Variants in MYO3B observed in about 807,000 individuals in gnomAD.
MYO3B encodes the protein myosin IIIB.
Under a neutral mutation model 174.6 loss-of-function variants are expected in MYO3B, and 156 were observed. The observed-to-expected ratio is 0.89, with a 90% CI of 0.78 to 1.02. The LOEUF is 1.02. Ranked by LOEUF, MYO3B falls within the 50% of genes least tolerant of loss-of-function variation. The pLI, the probability that MYO3B is intolerant of heterozygous loss-of-function variation, is 0.00. For missense variants in MYO3B, 1,632 were observed against 1,639.4 expected, an observed-to-expected ratio of 1.00 and a Z score of 0.08; for synonymous variants, 563 against 569.1, an observed-to-expected ratio of 0.99 and a Z score of 0.15.
At chr2:170,229,560 T>C (rs62172012) in intron 6 of MYO3B, among the ~76,000 whole-genome samples, 5,445 of 152,332 alleles carry the variant, frequency 0.036, 116 homozygotes, top group Non-Finnish European at 0.057. Context: ...TTAAGTTTGA[T>C]AAATTATTTC....
chr2:170,464,931 A>G (rs1039521714), intron 24 of MYO3B, among the ~76,000 whole-genome samples: 42 of 151,692 alleles, frequency 2.8e-4, no homozygotes, highest in African/African-American at 9.9e-4. Context: ...CAGTGGTGCC[A>G]TCTAGGTTCA....
intron 32 of MYO3B, among the ~76,000 whole-genome samples, chr2:170,598,422 C>G (rs1224164721): frequency 6.6e-6 from 1 of 152,226 alleles, no homozygotes; most frequent in East Asian, 1.9e-4. Flanking sequence ...TCACTGGAAA[C>G]TACGATTAGA....
intron 25 of MYO3B, among the ~76,000 whole-genome samples, chr2:170,494,196 T>C (rs1488326950): frequency 6.6e-6 from 1 of 152,254 alleles, no homozygotes; most frequent in East Asian, 1.9e-4. Context: ...TAGTTGCCTG[T>C]TGCTTTTGCT....
chr2:170,353,576 G>A (rs930671757), intron 8 of MYO3B, among the ~76,000 whole-genome samples: 2 of 152,146 alleles, frequency 1.3e-5, no homozygotes, highest in Non-Finnish European at 2.9e-5. Context: ...GGGTAATTAC[G>A]ATGTGTCAGT....
At chr2:170,478,196 C>T (rs1278469967) in intron 25 of MYO3B, among the ~76,000 whole-genome samples, 1 of 152,048 alleles carries the variant, frequency 6.6e-6, no homozygotes, top group East Asian at 1.9e-4. Context: ...AAGTGGAGAA[C>T]AGGACTGGGG....
chr2:170,326,392 A>T (rs576460655), intron 7 of MYO3B, among the ~76,000 whole-genome samples: 1 of 152,348 alleles, frequency 6.6e-6, no homozygotes, highest in East Asian at 1.9e-4. Context: ...TCCACTCTAT[A>T]TGTGAAGGAC....
intron 20 of MYO3B, 110 bp from the exon 21 acceptor site, chr2:170,405,435 C>A: frequency 1.2e-6 from 1 of 856,360 alleles, no homozygotes; most frequent in Non-Finnish European, 1.9e-6. Context: ...AATATCAAGG[C>A]CTTATTCTGA....
At chr2:170,644,284 CTT>C (rs1287733064) in intron 32 of MYO3B, among the ~76,000 whole-genome samples, 1 of 145,582 alleles carries the variant, frequency 6.9e-6, no homozygotes, top group South Asian at 2.2e-4. Flanking sequence ...AACTGTGTGT[CTT>C]TTTTTTTTTT....
At position 170,651,579 on chromosome 2, in the gene MYO3B, T is replaced by G. The variant is rs1012075388; in HGVS notation, c.3734-49T>G. On this transcript the variant is annotated intron_variant, in intron 32 of 34. Transcript: ENST00000408978. ...TGTGAAGAGCCATTTTTCACTTAAT[T>G]TTCCCAACACCTCGGACAGTTTACA... 5.2e-6 allele frequency: 8 copies of G among 1,524,568 alleles called. No individual in the cohort carries two copies. The African/African-American group carries it at 9.6e-5, about 18-fold the overall frequency. 94.4% of individuals were successfully genotyped at this position (1,524,568 alleles called of 1,614,324 possible). A position where few individuals can be genotyped will look rare whatever the true frequency, so the allele number is the denominator to read the frequency against.
chr2:170,507,771 T>C (rs1687706135), intron 28 of MYO3B, among the ~76,000 whole-genome samples: 1 of 152,180 alleles, frequency 6.6e-6, no homozygotes, highest in Non-Finnish European at 1.5e-5. Flanking sequence ...TGTGGTTTAC[T>C]TGAGGAAAAC....
In MYO3B at chr2:170,476,079, C is replaced by CG. The variant is rs200978375; in HGVS notation, c.3014+9368_3014+9369insG. ...GAAATGGGAGTGTTCCCTGTCCCCC[C>CG]CCACAGGACATGCGACAAGGGTGTG... On this transcript the variant is annotated intron_variant, in intron 25 of 34. Transcript: ENST00000408978. Among the ~76,000 whole-genome samples, 539 of 152,178 alleles carry CG rather than the reference C, an allele frequency of 3.5e-3. 3 individuals carry two copies. The highest frequency in any genetic ancestry group is 0.031 in the Middle Eastern group (9 of 294).
intron 7 of MYO3B, among the ~76,000 whole-genome samples, chr2:170,265,675 A>G (rs2093378032): frequency 6.6e-6 from 1 of 152,214 alleles, no homozygotes; most frequent in Non-Finnish European, 1.5e-5. Flanking sequence ...CAGTCCAGGT[A>G]ATACCAGATT....
At chr2:170,471,612 T>C (rs1046579067) in intron 25 of MYO3B, among the ~76,000 whole-genome samples, 1 of 152,214 alleles carries the variant, frequency 6.6e-6, no homozygotes, top group Admixed American at 6.5e-5. Context: ...TTCTTTTGTA[T>C]GCGGATATCC....
intron 7 of MYO3B, among the ~76,000 whole-genome samples, chr2:170,249,775 C>G (rs1380915569): frequency 1.3e-5 from 2 of 152,160 alleles, no homozygotes; most frequent in African/African-American, 4.8e-5. Flanking sequence ...TTCTGGAAAG[C>G]ATTTTCATTT....
chr2:170,320,025 G>A (rs534434600), intron 7 of MYO3B, among the ~76,000 whole-genome samples: 1 of 152,162 alleles, frequency 6.6e-6, no homozygotes, highest in Non-Finnish European at 1.5e-5. Flanking sequence ...AAATACTAAA[G>A]GTTGTCCTTC....
chr2:170,219,571 G>A, intron 6 of MYO3B, among the ~76,000 whole-genome samples: 1 of 151,956 alleles, frequency 6.6e-6, no homozygotes, highest in Non-Finnish European at 1.5e-5. Context: ...TTGAACCCGG[G>A]AGGCAGAGGT....
chr2:170,379,124 A>G (rs552312761), intron 9 of MYO3B, among the ~76,000 whole-genome samples: 1 of 152,280 alleles, frequency 6.6e-6, no homozygotes, highest in African/African-American at 2.4e-5. Flanking sequence ...TATAAGATAT[A>G]AATGTAGGAA....
intron 32 of MYO3B, among the ~76,000 whole-genome samples, chr2:170,626,389 T>C (rs185094469): frequency 5.1e-4 from 78 of 152,320 alleles, no homozygotes; most frequent in Admixed American, 2.7e-3. Flanking sequence ...CTGCCTTTTG[T>C]TTTCCATTTG....
chr2:170,445,259 C>A (rs1231097925), intron 23 of MYO3B, among the ~76,000 whole-genome samples: 1 of 152,098 alleles, frequency 6.6e-6, no homozygotes, highest in Admixed American at 6.6e-5. Context: ...CATGCCTGAA[C>A]AATAAGTATT....
Sources: gnomAD v4.1 joint callset for allele counts (sites outside exome capture counted in the v4.1 genomes callset) on GRCh38, gnomAD v4.1.1 for gene constraint, MANE v1.5 for transcripts, NCBI Gene and HGNC (gene_info 2026-07-23, HGNC 2026-07-21) for gene names.